CFDP1: variants seen among roughly 807,000 people sequenced by gnomAD.
The protein encoded by CFDP1 is heterochromatin-stabilizing protein CFDP1.
CFDP1 carries 31 observed loss-of-function variants against 40.1 expected under a neutral mutation model. That is an observed-to-expected ratio of 0.77 (90% CI 0.58 to 1.04). The LOEUF is 1.04. Ranked by LOEUF, CFDP1 falls within the 50% of genes least tolerant of loss-of-function variation. The pLI is 0.00. For synonymous variants in CFDP1, 167 were observed against 120.0 expected (o/e 1.39, Z -2.56); for missense variants, 423 against 343.4 (o/e 1.23, Z -1.83).
chr16:75,376,211 A>T (rs2078794739), intron 5 of CFDP1, among the ~76,000 whole-genome samples: 1 of 152,236 alleles, frequency 6.6e-6, no homozygotes, highest in Non-Finnish European at 1.5e-5. Context: ...ACCCTGTCTC[A>T]GAAAAACCAA....
chr16:75,335,803 G>T (rs995054363), intron 5 of CFDP1, among the ~76,000 whole-genome samples: 1 of 152,002 alleles, frequency 6.6e-6, no homozygotes, highest in Non-Finnish European at 1.5e-5. Context: ...TGATCCGCCC[G>T]CCTCGGCCTC....
At chr16:75,404,649 C>T (rs894103919) in intron 4 of CFDP1, among the ~76,000 whole-genome samples, 1 of 151,184 alleles carries the variant, frequency 6.6e-6, no homozygotes, top group Non-Finnish European at 1.5e-5. Context: ...TCATCATAAA[C>T]AATGCAGCAA....
At chr16:75,333,730 A>C (rs2078464965) in intron 5 of CFDP1, among the ~76,000 whole-genome samples, 1 of 152,218 alleles carries the variant, frequency 6.6e-6, no homozygotes, top group Non-Finnish European at 1.5e-5. Flanking sequence ...TTAGGAAGGG[A>C]AGTCCTGAAA....
chr16:75,398,476 G>A (rs538606450), intron 4 of CFDP1, among the ~76,000 whole-genome samples: 1 of 152,280 alleles, frequency 6.6e-6, no homozygotes, highest in East Asian at 1.9e-4. Flanking sequence ...TTCTGTGGAA[G>A]TGGCACAACA....
At chr16:75,365,547 A>T (rs1473812788) in intron 5 of CFDP1, among the ~76,000 whole-genome samples, 1 of 152,162 alleles carries the variant, frequency 6.6e-6, no homozygotes, top group East Asian at 1.9e-4. Flanking sequence ...TGAGGGAGGA[A>T]GCCCCAACTC....
At chr16:75,402,419 G>A (rs865937213) in intron 4 of CFDP1, among the ~76,000 whole-genome samples, 64 of 152,272 alleles carry the variant, frequency 4.2e-4, no homozygotes, top group African/African-American at 1.5e-3. Context: ...CTGGTTATGT[G>A]ATAGGGCAGA....
chr16:75,309,489 T>G (rs1338444988), intron 5 of CFDP1, among the ~76,000 whole-genome samples: 1 of 151,740 alleles, frequency 6.6e-6, no homozygotes, highest in Non-Finnish European at 1.5e-5. Flanking sequence ...AACTGTAGAA[T>G]GGGGAAGTCA....
chr16:75,394,815 A>C, intron 5 of CFDP1: 1 of 270,486 alleles, frequency 3.7e-6, no homozygotes, highest in Non-Finnish European at 7.2e-6. Context: ...GGTGCAAGCC[A>C]CCATGCCCAG....
chr16:75,426,487 G>C (rs981042593), intron 1 of CFDP1, among the ~76,000 whole-genome samples: 1 of 152,014 alleles, frequency 6.6e-6, no homozygotes, highest in Middle Eastern at 3.4e-3. Flanking sequence ...AGAAAAATTT[G>C]ACAAACTGGA....
At chr16:75,303,511 C>G (rs966382104) in intron 6 of CFDP1, among the ~76,000 whole-genome samples, 1 of 145,824 alleles carries the variant, frequency 6.9e-6, no homozygotes, top group African/African-American at 2.5e-5. Flanking sequence ...TGACCCCCCC[C>G]AATAAATCCT....
intron 5 of CFDP1, among the ~76,000 whole-genome samples, chr16:75,336,631 C>T (rs2151518124): frequency 6.6e-6 from 1 of 152,336 alleles, no homozygotes; most frequent in South Asian, 2.1e-4. Context: ...AGGGATCATT[C>T]CCGATCAGCA....
intron 4 of CFDP1, among the ~76,000 whole-genome samples, chr16:75,400,052 G>A (rs2079036128): frequency 7.3e-6 from 1 of 136,220 alleles, no homozygotes; most frequent in African/African-American, 2.8e-5. Flanking sequence ...GGTGAGCCGA[G>A]ATCGTGCCAT....
rs118078822 is a variant in CFDP1 at position 75,386,765 on chromosome 16, T to G, written c.650+8325A>C. Among the ~76,000 whole-genome samples, 10 of 152,320 alleles carry G rather than the reference T, an allele frequency of 6.6e-5. No individual in the cohort carries two copies. In the East Asian group the frequency reaches 1.9e-3, roughly 29 times the overall value. On this transcript the variant is annotated intron_variant, in intron 5 of 6. Transcript: ENST00000283882. ...CCTTCTCTCTGTTTAGAGTCTCATT[T>G]AGATGCTCAGATTGGCAAGGACTTT...
chr16:75,431,100 T>A (rs1284977699), intron 1 of CFDP1, among the ~76,000 whole-genome samples: 1 of 151,928 alleles, frequency 6.6e-6, no homozygotes, highest in African/African-American at 2.4e-5. Context: ...GGAAAAGTAA[T>A]CTGTATAACA....
intron 5 of CFDP1, among the ~76,000 whole-genome samples, chr16:75,344,937 C>CA (rs1567651890): frequency 6.6e-6 from 1 of 151,466 alleles, no homozygotes; most frequent in Non-Finnish European, 1.5e-5. Flanking sequence ...ATCTCAAAAA[C>CA]AAAAAAAGAA....
chr16:75,328,049 T>C (rs1160039495), intron 5 of CFDP1, among the ~76,000 whole-genome samples: 1 of 150,092 alleles, frequency 6.7e-6, no homozygotes. Context: ...TATAATGTAA[T>C]AGAACTGGAA....
Position 75,388,707 on chromosome 16 carries a change from A to C in CFDP1, c.650+6383T>G, listed in dbSNP as rs368041009. On this transcript the variant is annotated intron_variant, in intron 5 of 6. Transcript: ENST00000283882. ...CACCATTAACTGCTCAGACAGGAAG[A>C]CTCTGCTGAACAAACCAAAGATTGC... Among the ~76,000 whole-genome samples the C allele has an allele frequency of 3.9e-5, 6 of 152,328 alleles. No homozygotes were observed. The East Asian group carries it at 1.2e-3, about 29-fold the overall frequency.
At chr16:75,416,419 C>G (rs959939084) in intron 1 of CFDP1, among the ~76,000 whole-genome samples, 1 of 135,374 alleles carries the variant, frequency 7.4e-6, no homozygotes, top group African/African-American at 2.8e-5. Flanking sequence ...AAAAATGAAA[C>G]AAACAAAAAA....
rs189442521 is a variant in CFDP1, at chr16:75,414,310, C to T, written c.182+268G>A. Among the ~76,000 whole-genome samples, 583 of 152,264 alleles carry T rather than the reference C, an allele frequency of 3.8e-3. 4 individuals are homozygous for T. Among genetic ancestry groups the T allele is most frequent in the Non-Finnish European group, 6.5e-3 (445 of 67,998 alleles). ...GAGGCAAAGCAACAAGGTCTAGGAACAGGGTAAACATCTTTTCAGGGACTG... is the reference window on the plus strand; with the variant it reads ...GAGGCAAAGCAACAAGGTCTAGGAATAGGGTAAACATCTTTTCAGGGACTG... On this transcript the variant is annotated intron_variant, in intron 2 of 6. Coordinates refer to ENST00000283882, the MANE Select transcript of CFDP1 (RefSeq NM_006324.3).
Sources: gnomAD v4.1 joint callset for allele counts (sites outside exome capture counted in the v4.1 genomes callset) on GRCh38, gnomAD v4.1.1 for gene constraint, MANE v1.5 for transcripts, NCBI Gene and HGNC (gene_info 2026-07-23, HGNC 2026-07-21) for gene names.